The following CLCN5 variants were observed in gnomAD, a reference collection of about 807,000 sequenced individuals.
CLCN5 encodes Cl-/H+ antiporter 5.
Under a neutral mutation model 54.0 loss-of-function variants are expected in CLCN5, and 17 were observed. The observed-to-expected ratio is 0.31, with a 90% CI of 0.22 to 0.47. CLCN5 has a LOEUF of 0.47. Ranked by LOEUF, CLCN5 falls within the 20% of genes least tolerant of loss-of-function variation. The pLI is 1.00. For synonymous variants in CLCN5, 222 were observed against 233.0 expected, an observed-to-expected ratio of 0.95 and a Z score of 0.43; for missense variants, 448 against 646.7, an observed-to-expected ratio of 0.69 and a Z score of 3.33.
chrX:50,064,124 G>A (rs782698100), intron 4 of CLCN5, among the ~76,000 whole-genome samples: 24 of 107,273 alleles, frequency 2.2e-4, no homozygotes, highest in South Asian at 4.2e-4. Flanking sequence ...CTCTCTCACC[G>A]CTCCTATTCA....
chrX:50,060,297 C>T lies in CLCN5; in HGVS notation c.164-9582C>T, dbSNP rs782668892. 6.3e-5 allele frequency among the ~76,000 whole-genome samples: 7 copies of T among 110,470 alleles called. No individual in the cohort carries two copies. The South Asian group carries it at 2.8e-3, about 44-fold the overall frequency. ...GAGAGTGGGCGCAGGCCAGTGGGTG[C>T]GCGCACCGTGCGCGAGCTGAAGCAG... On this transcript the variant is annotated intron_variant, in intron 4 of 14. Transcript: ENST00000376091.
intron 3 of CLCN5, among the ~76,000 whole-genome samples, chrX:49,988,067 A>G (rs942806391): frequency 1.8e-5 from 2 of 111,503 alleles, no homozygotes; most frequent in African/African-American, 3.3e-5. Context: ...TGCATTCCTC[A>G]GTAGTCTGTC....
At chrX:50,019,468 CTTTTTTT>C (rs1175073117) in intron 3 of CLCN5, among the ~76,000 whole-genome samples, 4 of 47,690 alleles carry the variant, frequency 8.4e-5, no homozygotes, top group South Asian at 1.4e-3. Context: ...TTTTTTTTTT[CTTTTTTT>C]TTTTTTTTTT....
chrX:50,088,774 A>T lies in CLCN5; in HGVS notation c.1634A>T (p.Gln545Leu), dbSNP rs1933981479. The T allele has an allele frequency of 2.5e-6, 3 of 1,209,980 alleles. No individual in the cohort carries two copies. Among genetic ancestry groups the T allele is most frequent in the African/African-American group, 3.5e-5 (2 of 57,291 alleles). ...CGACTTCTAGGAGTAGGAATGGAAC[A>T]GCTGGCTTATTACCACCAGGAATGG... is the stretch of plus-strand genomic sequence containing the variant. ...AGRLLGVGME[Q>L]LAYYHQEWTV... is the part of the protein sequence containing the mutation. Residue 545 changes from glutamine to leucine, a missense_variant, in exon 12 of 15, where the codon CAG becomes CTG. Around this residue, in one of 5 missense-constraint regions of CLCN5, gnomAD observed 297 missense variants for 470.4 expected, o/e 0.63. Transcript: ENST00000376091.
chrX:50,008,466 G>A (rs1008448846), intron 3 of CLCN5: 2 of 365,454 alleles, frequency 5.5e-6, no homozygotes, highest in South Asian at 2.6e-5. Flanking sequence ...CTGGGTGAGA[G>A]TGCTGTCTGA....
At chrX:50,066,902 C>T (rs1472443187) in intron 4 of CLCN5, among the ~76,000 whole-genome samples, 4 of 107,024 alleles carry the variant, frequency 3.7e-5, no homozygotes, top group African/African-American at 1.1e-4. Flanking sequence ...TCACGTTTTC[C>T]TTTAATTATG....
intron 3 of CLCN5, among the ~76,000 whole-genome samples, chrX:49,989,188 T>G (rs1256151320): frequency 9.1e-6 from 1 of 110,295 alleles, no homozygotes; most frequent in Non-Finnish European, 1.9e-5. Flanking sequence ...TCCTCCTGCC[T>G]TGGCCTCCTG....
intron 3 of CLCN5, among the ~76,000 whole-genome samples, chrX:49,977,362 G>A (rs907477473): frequency 9.0e-5 from 10 of 111,643 alleles, no homozygotes; most frequent in African/African-American, 3.3e-4. Flanking sequence ...ATATATATGT[G>A]TCAAGCACAG....
intron 4 of CLCN5, among the ~76,000 whole-genome samples, chrX:50,060,143 G>A (rs1407290579): frequency 3.8e-5 from 4 of 106,544 alleles, no homozygotes; most frequent in East Asian, 2.9e-4. Flanking sequence ...AGACAGTCAC[G>A]GGGGGAGGAG....
chrX:49,971,276 TA>T (rs1279674176), intron 3 of CLCN5, among the ~76,000 whole-genome samples: 4 of 103,425 alleles, frequency 3.9e-5, no homozygotes, highest in African/African-American at 6.9e-5. Context: ...TTATATATAT[TA>T]TTTATATATA....
chrX:50,014,040 A>G (rs1930658285), intron 3 of CLCN5, among the ~76,000 whole-genome samples: 1 of 111,960 alleles, frequency 8.9e-6, no homozygotes, highest in Non-Finnish European at 1.9e-5. Flanking sequence ...CTTCCTGTGA[A>G]TACATGGGCT....
intron 3 of CLCN5, among the ~76,000 whole-genome samples, chrX:49,957,587 A>G (rs781807412): frequency 7.6e-4 from 85 of 111,185 alleles, no homozygotes; most frequent in South Asian, 2.7e-3. Flanking sequence ...TTCTAGCTCT[A>G]TTTGAAACAC....
chrX:49,974,416 T>C (rs189740123), intron 3 of CLCN5, among the ~76,000 whole-genome samples: 1 of 111,060 alleles, frequency 9.0e-6, no homozygotes, highest in East Asian at 2.8e-4. Flanking sequence ...ACTGGCCTTT[T>C]TTTTTTTGCC....
chrX:49,984,907 G>A (rs1295426570), intron 3 of CLCN5, among the ~76,000 whole-genome samples: 5 of 109,934 alleles, frequency 4.5e-5, no homozygotes, highest in East Asian at 5.7e-4. Context: ...GTGAGCCACC[G>A]TGCCTGGCAA....
intron 3 of CLCN5, among the ~76,000 whole-genome samples, chrX:50,032,186 G>T (rs1441940924): frequency 9.9e-5 from 11 of 111,499 alleles, no homozygotes; most frequent in African/African-American, 2.3e-4. Context: ...ACATACATGT[G>T]CATGTGTCTT....
chrX:50,007,373 T>C (rs1182962103), intron 3 of CLCN5, among the ~76,000 whole-genome samples: 2 of 96,166 alleles, frequency 2.1e-5, no homozygotes, highest in Non-Finnish European at 4.3e-5. Flanking sequence ...TCTTTACTCA[T>C]TTTCTGTCTC....
At chrX:50,067,078 TCTTTA>T (rs1557190986) in intron 4 of CLCN5, among the ~76,000 whole-genome samples, 2 of 111,132 alleles carry the variant, frequency 1.8e-5, no homozygotes, top group Non-Finnish European at 3.8e-5. Flanking sequence ...GTAGCTTCTG[TCTTTA>T]CTTTTGCCAT....
At chrX:49,926,998 C>T (rs1399358958) in intron 3 of CLCN5, among the ~76,000 whole-genome samples, 1 of 110,941 alleles carries the variant, frequency 9.0e-6, no homozygotes, top group Non-Finnish European at 1.9e-5. Flanking sequence ...GCCACTGGTG[C>T]CATTCTCTGA....
intron 3 of CLCN5, among the ~76,000 whole-genome samples, chrX:50,017,519 C>A (rs1557183725): frequency 8.1e-5 from 9 of 111,546 alleles, no homozygotes. Context: ...TTTCATGGAT[C>A]ATGCTTTTGG....
Sources: allele counts gnomAD v4.1 joint callset (sites outside exome capture counted in the v4.1 genomes callset), GRCh38; gene constraint gnomAD v4.1.1; regional missense constraint gnomAD v4.1.1; transcripts MANE v1.5; gene names NCBI Gene and HGNC (gene_info 2026-07-23, HGNC 2026-07-21).